The following KRT82 variants were observed in gnomAD, a reference collection of about 807,000 sequenced individuals.
The protein encoded by KRT82 is keratin, type II cuticular Hb2.
KRT82 carries 44 observed loss-of-function variants against 48.0 expected under a neutral mutation model. That is an observed-to-expected ratio of 0.92 (90% CI 0.72 to 1.18). The LOEUF (loss-of-function observed/expected upper bound fraction) is 1.18, where lower values mean the gene tolerates loss of function less well. KRT82 is among the 50% of genes most tolerant of loss of function. The pLI, the probability that KRT82 is intolerant of heterozygous loss-of-function variation, is 0.00. For missense variants in KRT82, 701 were observed against 671.4 expected, an observed-to-expected ratio of 1.04 and a Z score of -0.49; for synonymous variants, 297 against 278.3, an observed-to-expected ratio of 1.07 and a Z score of -0.67.
intron 3 of KRT82, among the ~76,000 whole-genome samples, 153 bp from the exon 4 acceptor site, chr12:52,400,775 C>T (rs1939779340): frequency 6.6e-6 from 1 of 152,108 alleles, no homozygotes; most frequent in Non-Finnish European, 1.5e-5. Context: ...GGGTCCCTAG[C>T]CCTGGGACCC....
At chr12:52,403,945 G>A in intron 1 of KRT82, 36 bp from the exon 2 acceptor site, 1 of 1,589,648 alleles carries the variant, frequency 6.3e-7, no homozygotes, top group Non-Finnish European at 8.6e-7. Context: ...AGGCAGCAGA[G>A]ATCCTGGGGA....
At position 52,400,978 on chromosome 12, in the gene KRT82, G is replaced by A. The variant is rs74093680; in HGVS notation, c.681+311C>T. On this transcript the variant is annotated intron_variant, in intron 3 of 8. Transcript: ENST00000257974. ...TTTTGAGCTTTTGTTTTGGTTTGGC[G>A]TTGGCATCTGTCCCATCTCCAGCTG... Among the ~76,000 whole-genome samples, 474 of 152,292 alleles carry A rather than the reference G, an allele frequency of 3.1e-3. 3 individuals are homozygous for A. The highest frequency in any genetic ancestry group is 0.011 in the African/African-American group (462 of 41,566).
chr12:52,404,878 A>G (rs1939832446), intron 1 of KRT82, among the ~76,000 whole-genome samples: 2 of 152,072 alleles, frequency 1.3e-5, no homozygotes, highest in Admixed American at 1.3e-4. Flanking sequence ...CCCCTTCCTC[A>G]CTGGGCAGCA....
Position 52,400,572 on chromosome 12 carries a change from C to T in KRT82, c.732G>A (p.Glu244=), listed in dbSNP as rs1939775757. 2 of 1,614,056 alleles carry T rather than the reference C, an allele frequency of 1.2e-6. No homozygotes were observed. Among genetic ancestry groups the T allele is most frequent in the Non-Finnish European group, 1.7e-6 (2 of 1,180,010 alleles). ...LMKADLETNA[E]ALVQEIDFLK... ...GGAAGTCGATCTCCTGCACGAGTGC[C>T]TCTGCGTTGGTCTCCAGGTCAGCCT... The change falls in exon 4 of 9, where the codon GAG becomes GAA. Residue 244 remains glutamate, a synonymous_variant. Transcript: ENST00000257974.
In KRT82 at chr12:52,395,046, T is replaced by A; in HGVS notation, c.1471A>T (p.Ser491Cys). 1 of 1,613,878 alleles carries A rather than the reference T, an allele frequency of 6.2e-7. No homozygotes were observed. Among genetic ancestry groups the A allele is most frequent in the Non-Finnish European group, 8.5e-7 (1 of 1,179,952 alleles). Residue 491 changes from serine to cysteine, a missense_variant, in exon 9 of 9, where the codon AGC becomes TGC. By Grantham distance (112) the Ser-to-Cys change is moderately radical. Transcript: ENST00000257974. ...CTGGATTTCCGCCCGCTCCCACAGC[T>A]CAGTAGCCCCTGGGGCTCGCAGGGG... ...YVPCEPQGLL[S>C]CGSGRKSSMT...
chr12:52,398,571 A>G (rs1045012686), intron 5 of KRT82, among the ~76,000 whole-genome samples: 2 of 151,158 alleles, frequency 1.3e-5, no homozygotes, highest in African/African-American at 4.9e-5. Flanking sequence ...ACTTAGCAGG[A>G]TGGGAAAATG....
At position 52,400,054 on chromosome 12, in the gene KRT82, C is replaced by T. The variant is rs1433635132; in HGVS notation, c.873G>A (p.Glu291=). The T allele has an allele frequency of 3.1e-6, 5 of 1,614,240 alleles. No individual in the cohort carries two copies. The highest frequency in any genetic ancestry group is 1.6e-4 in the Middle Eastern group (1 of 6,062). Residue 291 remains glutamate (E), a synonymous_variant, in exon 5 of 9, where the codon GAG becomes GAA. Transcript: ENST00000257974. ...CGATGTCGTCATACTGCGCCTTGAT[C>T]TCAGCGATGATGCCGTCCACGTCCA... ...RELDVDGIIA[E]IKAQYDDIAS...
chr12:52,403,632 A>G (rs1391265974), intron 2 of KRT82, 69 bp downstream of exon 2: 2 of 963,192 alleles, frequency 2.1e-6, no homozygotes, highest in African/African-American at 1.6e-5. Context: ...TAAATGGGGA[A>G]TCAGGGCCCA....
Position 52,396,071 on chromosome 12 carries a change from C to G in KRT82, c.1230G>C (p.Lys410Asn), listed in dbSNP as rs1939709689. The G allele has an allele frequency of 1.9e-6, 3 of 1,614,178 alleles. No homozygotes were observed. Among genetic ancestry groups the G allele is most frequent in the Non-Finnish European group, 2.5e-6 (3 of 1,180,030 alleles). The change falls in exon 7 of 9, where the codon AAG becomes AAC. Residue 410 changes from lysine to asparagine, a missense_variant. Physicochemically the swap from Lys to Asn is moderately conservative, Grantham distance 94. Coordinates refer to ENST00000257974, the MANE Select transcript of KRT82 (RefSeq NM_033033.4). ...LKEYQEVMNS[K>N]LGLDIEIATY... is the part of the protein sequence containing the mutation. ...TGGCGATCTCGATGTCCAGGCCCAG[C>G]TTGGAGTTCATCACCTCCTGATATT...
intron 5 of KRT82, among the ~76,000 whole-genome samples, chr12:52,397,534 C>G (rs1338482495): frequency 6.6e-6 from 1 of 152,206 alleles, no homozygotes; most frequent in African/African-American, 2.4e-5. Flanking sequence ...AACCTTTGCA[C>G]TCTGAATCCA....
Position 52,400,627 on chromosome 12 carries a change from A to T in KRT82, c.682-5T>A, listed in dbSNP as rs200615141. Reference sequence around the variant, plus strand: ...CAGGAAGGCTGTGTCCACGTCCTGCAGCAGAGCAGGGACAGAATGTGACCT... The same window carrying T: ...CAGGAAGGCTGTGTCCACGTCCTGCTGCAGAGCAGGGACAGAATGTGACCT... On this transcript the variant is annotated splice_region_variant and splice_polypyrimidine_tract_variant and intron_variant, in intron 3 of 8. Transcript: ENST00000257974. 92 of 1,607,260 alleles carry T rather than the reference A, an allele frequency of 5.7e-5. No homozygotes were observed. Among genetic ancestry groups the T allele is most frequent in the Non-Finnish European group, 6.8e-5 (80 of 1,174,004 alleles).
At chr12:52,399,963 GC>G in intron 5 of KRT82, 21 bp downstream of exon 5, 1 of 1,607,546 alleles carries the variant, frequency 6.2e-7, no homozygotes, top group Non-Finnish European at 8.5e-7. Context: ...CAGTCTCCCT[GC>G]CCCCAACCAC....
In KRT82 at chr12:52,403,708, T is replaced by C. The variant is rs1051557455; in HGVS notation, c.613A>G (p.Lys205Glu). Residue 205 changes from lysine to glutamate, a missense_variant, in exon 2 of 9, where the codon AAG becomes GAG. By Grantham distance (56) the Lys-to-Glu change is moderately conservative. Transcript: ENST00000257974. ...AAAGCAGCACTGACTCACTTTTTCTTGTAGCCCTCCAGTGCAGCCTGGAGG... is the reference window on the plus strand; with the variant it reads ...AAAGCAGCACTGACTCACTTTTTCTCGTAGCCCTCCAGTGCAGCCTGGAGG... ...CSLQAALEGY[K>E]KKYEEELSLR... 1.2e-6 allele frequency: 2 copies of C among 1,602,216 alleles called. No homozygotes were observed. Among genetic ancestry groups the C allele is most frequent in the African/African-American group, 2.7e-5 (2 of 74,716 alleles).
At chr12:52,401,553 C>T (rs1366963988) in intron 2 of KRT82, among the ~76,000 whole-genome samples, 1 of 152,146 alleles carries the variant, frequency 6.6e-6, no homozygotes, top group African/African-American at 2.4e-5. Context: ...ACTCTTCTCC[C>T]CATTCCTCAG....
chr12:52,396,738 G>A, intron 6 of KRT82, 145 bp downstream of exon 6: 1 of 868,534 alleles, frequency 1.2e-6, no homozygotes. Flanking sequence ...GGTAGAAAGG[G>A]CTTGCTTCTG....
Position 52,396,073 on chromosome 12 carries a change from T to C in KRT82, c.1228A>G (p.Lys410Glu). The change falls in exon 7 of 9, where the codon AAG (lysine) becomes GAG (glutamate). Residue 410 changes from lysine to glutamate, a missense_variant. Lys to Glu is a moderately conservative substitution (Grantham distance 56). Transcript: ENST00000257974. ...LKEYQEVMNS[K>E]LGLDIEIATY... ...GCGATCTCGATGTCCAGGCCCAGCT[T>C]GGAGTTCATCACCTCCTGATATTCC... 2.5e-6 allele frequency: 4 copies of C among 1,614,190 alleles called. No individual in the cohort carries two copies. The highest frequency in any genetic ancestry group is 3.4e-6 in the Non-Finnish European group (4 of 1,180,042).
Position 52,405,871 on chromosome 12 carries a change from T to C in KRT82, c.407A>G (p.Asn136Ser), listed in dbSNP as rs763063407. The stretch of plus-strand genomic sequence containing the variant: ...CCTGGGCCACTGCCCCCTTACCTTG[T>C]TGATGAAAGATGCGAAACGGTTGTT... The part of the protein sequence containing the change: ...CLNNRFASFI[N>S]KVRFLEQKNK... The change falls in exon 1 of 9, where the codon AAC becomes AGC. Residue 136 changes from asparagine to serine, a missense_variant. Asn to Ser is a conservative substitution (Grantham distance 46). Transcript: ENST00000257974. The C allele has an allele frequency of 2.5e-6, 4 of 1,609,826 alleles. No homozygotes were observed. Among genetic ancestry groups the C allele is most frequent in the Non-Finnish European group, 1.7e-6 (2 of 1,177,170 alleles).
chr12:52,403,804 T>G lies in KRT82; in HGVS notation c.517A>C (p.Ile173Leu), dbSNP rs769315173. 1 of 1,613,780 alleles carries G rather than the reference T, an allele frequency of 6.2e-7. No homozygotes were observed. The highest frequency in any genetic ancestry group is 2.2e-5 in the East Asian group (1 of 44,882). ...TCCAGCTGCCGCCGAAGGGCGCTGATATAGCCCTCGAAGATGGGCTCGATG... is the reference window on the plus strand; with the variant it reads ...TCCAGCTGCCGCCGAAGGGCGCTGAGATAGCCCTCGAAGATGGGCTCGATG... ...TNIEPIFEGY[I>L]SALRRQLDCV... The change falls in exon 2 of 9, where the codon ATC becomes CTC. Residue 173 changes from isoleucine to leucine, a missense_variant. Physicochemically the swap from Ile to Leu is conservative, Grantham distance 5 (BLOSUM62 2). Transcript: ENST00000257974.
At position 52,406,060 on chromosome 12, in the gene KRT82, C is replaced by A; in HGVS notation, c.218G>T (p.Gly73Val). ...TCGGTACCCGAAGCCAGGCAGGGTA[C>A]CTCCACACCTGGAGGCTACCCGGGG... ...GRPRVASRCGGTLPGFGYRLG... is the reference protein window; with the variant it reads ...GRPRVASRCGVTLPGFGYRLG... The change falls in exon 1 of 9, where the codon GGT becomes GTT. Residue 73 changes from glycine to valine, a missense_variant. Gly to Val is a moderately radical substitution (Grantham distance 109). Coordinates refer to ENST00000257974, the MANE Select transcript of KRT82 (RefSeq NM_033033.4). 6.2e-7 allele frequency: 1 copy of A among 1,614,028 alleles called. No homozygotes were observed. Among genetic ancestry groups the A allele is most frequent in the Non-Finnish European group, 8.5e-7 (1 of 1,179,996 alleles).
Sources: gnomAD v4.1 joint callset for allele counts (sites outside exome capture counted in the v4.1 genomes callset) on GRCh38, gnomAD v4.1.1 for gene constraint, MANE v1.5 for transcripts, NCBI Gene and HGNC (gene_info 2026-07-23, HGNC 2026-07-21) for gene names.